Variants in RPTOR observed in about 807,000 individuals in gnomAD.
RPTOR encodes the protein regulatory-associated protein of mTOR.
RPTOR carries 21 observed loss-of-function variants against 169.9 expected under a neutral mutation model. That is an observed-to-expected ratio of 0.12 (90% CI 0.09 to 0.18). The LOEUF is 0.18. Ranked by LOEUF, RPTOR falls within the 10% of genes least tolerant of loss-of-function variation. The probability of loss-of-function intolerance (pLI) is 1.00; values close to 1 mark genes in which losing one functional copy is unlikely to be tolerated. For missense variants in RPTOR, 1,133 were observed against 1,855.9 expected (o/e 0.61, Z 7.16); for synonymous variants, 732 against 753.2 (o/e 0.97, Z 0.46).
intron 1 of RPTOR, among the ~76,000 whole-genome samples, chr17:80,552,759 C>G (rs1347375371): frequency 6.6e-6 from 1 of 152,200 alleles, no homozygotes; most frequent in African/African-American, 2.4e-5. Flanking sequence ...ACATAAGTAA[C>G]ATGGCTAGCA....
chr17:80,950,573 G>T (rs951885431), intron 28 of RPTOR, among the ~76,000 whole-genome samples: 1 of 152,096 alleles, frequency 6.6e-6, no homozygotes, highest in Middle Eastern at 3.4e-3. Flanking sequence ...CCCGCACTCC[G>T]TGGGGGCCCT....
intron 10 of RPTOR, 143 bp from the exon 11 acceptor site, chr17:80,846,330 C>T: frequency 1.3e-6 from 1 of 759,912 alleles, no homozygotes; most frequent in Non-Finnish European, 2.2e-6. Flanking sequence ...AGAGCGCCCG[C>T]TTCTCAGCCG....
chr17:80,922,825 G>C lies in RPTOR; in HGVS notation c.2622G>C (p.Ala874=), dbSNP rs766200096. Residue 874 remains alanine, a splice_region_variant and synonymous_variant, in exon 22 of 34, where the codon GCG becomes GCC. Transcript: ENST00000306801. ...ACAAGGGCGTGCACATCCACCAGGC[G>C]GGGTAAGTGCCGCCCGCTCAGCCTG... ...PTNKGVHIHQ[A]GGSPPASSTS... The C allele has an allele frequency of 6.4e-7, 1 of 1,563,070 alleles. No homozygotes were observed. Among genetic ancestry groups the C allele is most frequent in the Non-Finnish European group, 8.6e-7 (1 of 1,160,088 alleles).
chr17:80,875,038 C>T (rs529547466), intron 13 of RPTOR, among the ~76,000 whole-genome samples: 5 of 152,354 alleles, frequency 3.3e-5, no homozygotes, highest in South Asian at 2.1e-4. Flanking sequence ...GGGCTTGGCT[C>T]ATCATCCTGC....
At chr17:80,917,116 A>ATT (rs35518986) in intron 21 of RPTOR, among the ~76,000 whole-genome samples, 4,284 of 144,828 alleles carry the variant, frequency 0.03, 223 homozygotes, top group African/African-American at 0.1. Flanking sequence ...GATAGGTTTC[A>ATT]TTTTTTTTTT....
chr17:80,947,826 G>T lies in RPTOR; in HGVS notation c.3265+475G>T, dbSNP rs945274105. Among the ~76,000 whole-genome samples, 4 of 152,330 alleles carry T rather than the reference G, an allele frequency of 2.6e-5. No individual in the cohort carries two copies. In the South Asian group the frequency reaches 8.3e-4, roughly 32 times the overall value. On this transcript the variant is annotated intron_variant, in intron 27 of 33. Transcript: ENST00000306801. This position sits in a 1 kb window ranked among gnomAD's most constrained non-coding sequence, Gnocchi z 4.4. The stretch of plus-strand genomic sequence containing the variant: ...TCCAGTCCCGTCCTGCACCTGAAAG[G>T]ACATCGTTGACCATCATGGTCGCTG...
At position 80,726,605 on chromosome 17, in the gene RPTOR, C is replaced by T. The variant is rs1013628778; in HGVS notation, c.508-3955C>T. The stretch of plus-strand genomic sequence containing the variant: ...TGCCACTTTGCAGCCCTGGGACCCT[C>T]GGGGTTGTACCTAGAAGGTAGTAAA... On this transcript the variant is annotated intron_variant, in intron 4 of 33. Coordinates refer to ENST00000306801, the MANE Select transcript of RPTOR (RefSeq NM_020761.3). The surrounding 1 kb of genome is among the most constrained non-coding windows in gnomAD (Gnocchi z 4.5). Among the ~76,000 whole-genome samples the T allele has an allele frequency of 6.6e-6, 1 of 152,108 alleles. No homozygotes were observed. Among genetic ancestry groups the T allele is most frequent in the Non-Finnish European group, 1.5e-5 (1 of 68,026 alleles).
intron 11 of RPTOR, among the ~76,000 whole-genome samples, chr17:80,851,947 C>A (rs1342598037): frequency 6.6e-6 from 1 of 152,216 alleles, no homozygotes; most frequent in African/African-American, 2.4e-5. Flanking sequence ...TCTTTGTAAG[C>A]TTTAGATCTG....
chr17:80,869,976 G>A lies in RPTOR; in HGVS notation c.1510-10439G>A, dbSNP rs144804104. On this transcript the variant is annotated intron_variant, in intron 13 of 33. Coordinates refer to ENST00000306801, the MANE Select transcript of RPTOR (RefSeq NM_020761.3). Reference sequence around the variant, plus strand: ...CCGCTGGTCACACTTTGCAAGGATGGTGGTAGTGGTTGTTTTAATAAGTTC... The same window carrying A: ...CCGCTGGTCACACTTTGCAAGGATGATGGTAGTGGTTGTTTTAATAAGTTC... Among the ~76,000 whole-genome samples, 385 of 152,296 alleles carry A rather than the reference G, an allele frequency of 2.5e-3. 1 individual carries two copies. Among genetic ancestry groups the A allele is most frequent in the African/African-American group, 8.9e-3 (369 of 41,550 alleles).
intron 7 of RPTOR, among the ~76,000 whole-genome samples, chr17:80,817,936 A>G (rs774712436): frequency 6.6e-6 from 1 of 152,206 alleles, no homozygotes; most frequent in Admixed American, 6.5e-5. Flanking sequence ...GGTCATCATG[A>G]TGACCTGGAT....
chr17:80,621,875 G>A (rs1254456172), intron 1 of RPTOR, among the ~76,000 whole-genome samples: 3 of 152,230 alleles, frequency 2.0e-5, no homozygotes, highest in African/African-American at 7.2e-5. Flanking sequence ...TGGGGCGCAC[G>A]GAGCATGTGG....
chr17:80,802,354 G>C (rs910120811), intron 7 of RPTOR: 10 of 152,438 alleles, frequency 6.6e-5, no homozygotes, highest in African/African-American at 2.4e-4. Flanking sequence ...AACACTTTGG[G>C]AGTCTGAGGC....
intron 3 of RPTOR, among the ~76,000 whole-genome samples, chr17:80,665,346 TC>T (rs2065757534): frequency 1.4e-4 from 1 of 6,974 alleles, no homozygotes; most frequent in Non-Finnish European, 2.9e-4. Flanking sequence ...TCCTTTCCTT[TC>T]CTTTCCTTTC....
intron 12 of RPTOR, among the ~76,000 whole-genome samples, chr17:80,856,684 G>C (rs899564504): frequency 6.6e-6 from 1 of 152,182 alleles, no homozygotes; most frequent in Admixed American, 6.5e-5. Flanking sequence ...TGGTGGTGTC[G>C]CTTAGTCATC....
chr17:80,612,917 A>G (rs1043804482), intron 1 of RPTOR, among the ~76,000 whole-genome samples: 3 of 152,358 alleles, frequency 2.0e-5, no homozygotes, highest in Admixed American at 6.5e-5. Context: ...CATAATGTGG[A>G]TGGAAATTTT....
chr17:80,884,817 C>T (rs947347490), intron 16 of RPTOR, among the ~76,000 whole-genome samples, 191 bp from the exon 17 acceptor site: 3 of 152,210 alleles, frequency 2.0e-5, no homozygotes, highest in African/African-American at 2.4e-5. Flanking sequence ...TGGAGCTGGG[C>T]GGCTGCCCCT....
chr17:80,922,833 T>C lies in RPTOR; in HGVS notation c.2624+6T>C. 6.4e-7 allele frequency: 1 copy of C among 1,551,746 alleles called. No homozygotes were observed. Among genetic ancestry groups the C allele is most frequent in the Non-Finnish European group, 8.7e-7 (1 of 1,154,078 alleles). On this transcript the variant is annotated splice_donor_region_variant and intron_variant, in intron 22 of 33. Coordinates refer to ENST00000306801, the MANE Select transcript of RPTOR (RefSeq NM_020761.3). ...GTGCACATCCACCAGGCGGGGTAAG[T>C]GCCGCCCGCTCAGCCTGCAGGTCCG...
intron 20 of RPTOR, among the ~76,000 whole-genome samples, chr17:80,894,308 C>A (rs560365530): frequency 6.6e-6 from 1 of 152,168 alleles, no homozygotes; most frequent in Non-Finnish European, 1.5e-5. Flanking sequence ...TGCTCACATC[C>A]CCTGGTGCCC....
chr17:80,961,121 C>T (rs2069333313), intron 30 of RPTOR: 1 of 455,488 alleles, frequency 2.2e-6, no homozygotes, highest in Non-Finnish European at 3.9e-6. Context: ...TGGGCAGCTT[C>T]CATGTGGCTC....
Sources: gnomAD v4.1 joint callset for allele counts (sites outside exome capture counted in the v4.1 genomes callset) on GRCh38, gnomAD v4.1.1 for gene constraint, Gnocchi (gnomAD v3.1) non-coding constraint, MANE v1.5 for transcripts, NCBI Gene and HGNC (gene_info 2026-07-23, HGNC 2026-07-21) for gene names.